The following FOXP2 variants were observed in gnomAD, a reference collection of about 807,000 sequenced individuals.
FOXP2 encodes the protein forkhead box P2.
In FOXP2, 12 loss-of-function variants were observed where a neutral mutation model predicts 115.8. The ratio of observed to expected loss-of-function variants is 0.10; its 90% CI spans 0.07 to 0.17. FOXP2 has a LOEUF of 0.17. FOXP2 is among the 10% of genes least tolerant of loss of function. FOXP2 has a pLI of 1.00. For missense variants in FOXP2, 629 were observed against 843.5 expected (o/e 0.75, Z 3.15); for synonymous variants, 328 against 297.7 (o/e 1.10, Z -1.05).
At chr7:114,375,070 G>C (rs1448761925) in intron 2 of FOXP2, among the ~76,000 whole-genome samples, 1 of 151,972 alleles carries the variant, frequency 6.6e-6, no homozygotes, top group African/African-American at 2.4e-5. Flanking sequence ...GGACACTGCA[G>C]ATTTCTTGGA....
At chr7:114,493,167 C>T (rs1165411275) in intron 2 of FOXP2, among the ~76,000 whole-genome samples, 1 of 152,150 alleles carries the variant, frequency 6.6e-6, no homozygotes, top group East Asian at 1.9e-4. Flanking sequence ...TATGTAATGG[C>T]CTTCTTTGTC....
At chr7:114,533,788 T>C (rs1799249692) in intron 2 of FOXP2, among the ~76,000 whole-genome samples, 1 of 151,952 alleles carries the variant, frequency 6.6e-6, no homozygotes, top group African/African-American at 2.4e-5. Context: ...AAGAATTTAC[T>C]ATGCATTTTG....
chr7:114,240,809 T>G (rs1795133053), intron 1 of FOXP2, among the ~76,000 whole-genome samples: 1 of 152,094 alleles, frequency 6.6e-6, no homozygotes, highest in Non-Finnish European at 1.5e-5. Flanking sequence ...AAATTTTATT[T>G]GGATAACTGA....
At chr7:114,672,798 T>C (rs2129346042) in intron 16 of FOXP2, among the ~76,000 whole-genome samples, 2 of 152,222 alleles carry the variant, frequency 1.3e-5, no homozygotes, top group South Asian at 4.1e-4. Context: ...AGGTGGAAAG[T>C]AGCCTCTGTA....
chr7:114,150,213 G>A (rs752400665), intron 1 of FOXP2, among the ~76,000 whole-genome samples: 2 of 151,980 alleles, frequency 1.3e-5, no homozygotes, highest in South Asian at 4.1e-4. Context: ...TGAAGAGATA[G>A]TTATCTTTTT....
chr7:114,547,399 G>A (rs1412588831), intron 3 of FOXP2, among the ~76,000 whole-genome samples: 1 of 151,900 alleles, frequency 6.6e-6, no homozygotes. Flanking sequence ...ATGCCACTAC[G>A]TATCAATGAT....
chr7:114,134,485 G>A (rs1004828704), intron 1 of FOXP2, among the ~76,000 whole-genome samples: 5 of 151,882 alleles, frequency 3.3e-5, no homozygotes, highest in African/African-American at 7.3e-5. Context: ...AGGCCGAGGC[G>A]GGCGGATCAC....
chr7:114,254,025 A>G (rs1299657498), intron 1 of FOXP2, among the ~76,000 whole-genome samples: 2 of 152,148 alleles, frequency 1.3e-5, no homozygotes, highest in Non-Finnish European at 2.9e-5. Flanking sequence ...TTGTCTGTGA[A>G]GGATTTTATT....
chr7:114,575,897 T>C (rs1466381929), intron 3 of FOXP2, among the ~76,000 whole-genome samples: 1 of 151,946 alleles, frequency 6.6e-6, no homozygotes, highest in African/African-American at 2.4e-5. Context: ...GTAATTTTTT[T>C]CACAGTACCC....
At chr7:114,462,303 G>A (rs1289364628) in intron 2 of FOXP2, among the ~76,000 whole-genome samples, 3 of 114,294 alleles carry the variant, frequency 2.6e-5, no homozygotes, top group South Asian at 2.8e-4. Context: ...AAAAAAAAAA[G>A]GTAACAAACA....
At chr7:114,271,286 A>C (rs1358298925) in intron 1 of FOXP2, among the ~76,000 whole-genome samples, 3 of 150,482 alleles carry the variant, frequency 2.0e-5, no homozygotes, top group Non-Finnish European at 4.4e-5. Context: ...TATTTGTCTT[A>C]CCATGTTTGC....
At chr7:114,250,638 G>A (rs923363906) in intron 1 of FOXP2, among the ~76,000 whole-genome samples, 10 of 152,048 alleles carry the variant, frequency 6.6e-5, no homozygotes, top group Admixed American at 1.3e-4. Context: ...CCCACTTTTC[G>A]ATGGGATTGT....
At chr7:114,652,117 C>T in intron 8 of FOXP2, 86 bp from the exon 9 acceptor site, 2 of 1,241,892 alleles carry the variant, frequency 1.6e-6, no homozygotes, top group African/African-American at 3.0e-5. Flanking sequence ...AAACATCTGA[C>T]TTCAGTGTAG....
At chr7:114,213,243 T>TA (rs1172171687) in intron 1 of FOXP2, among the ~76,000 whole-genome samples, 2 of 152,198 alleles carry the variant, frequency 1.3e-5, no homozygotes, top group African/African-American at 4.8e-5. Context: ...CAGGAAGAAA[T>TA]ATGTTTTTCT....
intron 4 of FOXP2, chr7:114,629,074 C>T: frequency 5.1e-6 from 1 of 195,960 alleles, no homozygotes; most frequent in South Asian, 8.9e-5. Flanking sequence ...TTTGAATAGA[C>T]CACTTTGTTA....
rs1050601015 is a variant in FOXP2, at chr7:114,514,118, C to T, written c.169-20499C>T. ...ACACACACACACACACACACACACA[C>T]GCCATAAATATATACAATACTATGC... On this transcript the variant is annotated intron_variant, in intron 2 of 16. Transcript: ENST00000350908. 9.0e-5 allele frequency among the ~76,000 whole-genome samples: 13 copies of T among 144,514 alleles called. No homozygotes were observed. In the South Asian group the frequency reaches 1.1e-3, roughly 12 times the overall value. 94.8% of individuals were successfully genotyped at this position (144,514 alleles called of 152,430 possible).
intron 2 of FOXP2, among the ~76,000 whole-genome samples, chr7:114,343,553 A>G (rs1350124303): frequency 1.3e-5 from 2 of 151,652 alleles, no homozygotes; most frequent in African/African-American, 4.8e-5. Flanking sequence ...AGAAAATGAA[A>G]CCAATAATGA....
At chr7:114,350,302 G>A (rs1042954734) in intron 2 of FOXP2, among the ~76,000 whole-genome samples, 21 of 151,858 alleles carry the variant, frequency 1.4e-4, no homozygotes, top group Non-Finnish European at 2.4e-4. Flanking sequence ...CCCCTCCCCC[G>A]GTCCCCCAAC....
At chr7:114,230,889 T>G (rs996267208) in intron 1 of FOXP2, among the ~76,000 whole-genome samples, 5 of 151,180 alleles carry the variant, frequency 3.3e-5, no homozygotes, top group Middle Eastern at 3.4e-3. Flanking sequence ...AAAAAAGAAA[T>G]AAAAGGCATA....
Sources: gnomAD v4.1 joint callset for allele counts (sites outside exome capture counted in the v4.1 genomes callset) on GRCh38, gnomAD v4.1.1 for gene constraint, MANE v1.5 for transcripts, NCBI Gene and HGNC (gene_info 2026-07-23, HGNC 2026-07-21) for gene names.